WDPCP: variants seen among roughly 807,000 people sequenced by gnomAD.
The protein encoded by WDPCP is WD repeat-containing and planar cell polarity effector protein fritz homolog.
In WDPCP, 71 loss-of-function variants were observed where a neutral mutation model predicts 93.1. That is an observed-to-expected ratio of 0.76 (90% CI 0.63 to 0.93). The LOEUF is 0.93. Ranked by LOEUF, WDPCP falls within the 40% of genes least tolerant of loss-of-function variation. The pLI, the probability that WDPCP is intolerant of heterozygous loss-of-function variation, is 0.00. For missense variants in WDPCP, 844 were observed against 887.4 expected, an observed-to-expected ratio of 0.95 and a Z score of 0.62; for synonymous variants, 315 against 315.0, an observed-to-expected ratio of 1.00 and a Z score of 0.00.
intron 12 of WDPCP, among the ~76,000 whole-genome samples, chr2:63,317,935 A>C (rs1686785582): frequency 6.6e-6 from 1 of 152,174 alleles, no homozygotes; most frequent in African/African-American, 2.4e-5. Context: ...AATTAAACTA[A>C]AGAACTTCTG....
intron 12 of WDPCP, among the ~76,000 whole-genome samples, chr2:63,322,792 C>T (rs1474479829): frequency 6.6e-6 from 1 of 152,132 alleles, no homozygotes; most frequent in Non-Finnish European, 1.5e-5. Flanking sequence ...CATCGCCTAT[C>T]GCCAAGAAGT....
At chr2:63,499,276 A>C (rs1701405250) in intron 1 of WDPCP, among the ~76,000 whole-genome samples, 1 of 152,180 alleles carries the variant, frequency 6.6e-6, no homozygotes, top group South Asian at 2.1e-4. Flanking sequence ...CAAAAGAATA[A>C]ATTAGAAAGA....
intron 2 of WDPCP, among the ~76,000 whole-genome samples, chr2:63,761,889 G>C (rs1488115666): frequency 6.6e-6 from 1 of 152,064 alleles, no homozygotes. Flanking sequence ...CCCCATTACT[G>C]GTGGCTGCCT....
At chr2:63,801,815 TG>T (rs1670700360) in intron 2 of WDPCP, among the ~76,000 whole-genome samples, 1 of 152,078 alleles carries the variant, frequency 6.6e-6, no homozygotes, top group African/African-American at 2.4e-5. Flanking sequence ...CTCAATGACA[TG>T]GTAGCTAGCT....
At chr2:63,722,342 G>T (rs1218743337) in intron 2 of WDPCP, among the ~76,000 whole-genome samples, 1 of 149,236 alleles carries the variant, frequency 6.7e-6, no homozygotes, top group Non-Finnish European at 1.5e-5. Flanking sequence ...CTGCCCGGCC[G>T]CCCATCGTCT....
chr2:63,404,029 A>G lies in WDPCP; in HGVS notation c.1435+19T>C, dbSNP rs367947125. 162 of 1,613,788 alleles carry G rather than the reference A, an allele frequency of 1.0e-4. No homozygotes were observed. Among genetic ancestry groups the G allele is most frequent in the Middle Eastern group, 1.7e-4 (1 of 6,028 alleles). ...CCTAAACATTTTAATTTACTTACTC[A>G]TCACTTTCCTTGACTTACCTAGTTT... On this transcript the variant is annotated intron_variant, in intron 10 of 17. Coordinates refer to ENST00000272321, the MANE Select transcript of WDPCP (RefSeq NM_015910.7).
At chr2:63,520,588 A>AT (rs1445892866) in intron 1 of WDPCP, among the ~76,000 whole-genome samples, 2 of 152,164 alleles carry the variant, frequency 1.3e-5, no homozygotes, top group African/African-American at 4.8e-5. Flanking sequence ...TACATTAAGC[A>AT]TTTTTTAAAA....
chr2:63,629,534 A>C (rs1575734039), intron 3 of WDPCP, among the ~76,000 whole-genome samples: 1 of 152,226 alleles, frequency 6.6e-6, no homozygotes, highest in East Asian at 1.9e-4. Flanking sequence ...GAGGAGAGCT[A>C]GTGGACAGTA....
chr2:63,761,258 G>A (rs1020846174), intron 2 of WDPCP, among the ~76,000 whole-genome samples: 1 of 152,052 alleles, frequency 6.6e-6, no homozygotes, highest in Non-Finnish European at 1.5e-5. Context: ...ACACTCTCTT[G>A]CCCTTCTGCC....
chr2:63,129,795 C>T (rs192971217), intron 17 of WDPCP, among the ~76,000 whole-genome samples: 87 of 152,152 alleles, frequency 5.7e-4, no homozygotes, highest in Non-Finnish European at 9.0e-4. Context: ...ATATTAAATG[C>T]GTAGTATCTG....
the WDPCP span, among the ~76,000 whole-genome samples, chr2:63,835,726 C>G: frequency 6.6e-6 from 1 of 152,012 alleles, no homozygotes; most frequent in South Asian, 2.1e-4. Context: ...ATATGACATA[C>G]CTCCTCTTTT....
chr2:63,487,052 T>C (rs1012698617), intron 3 of WDPCP, among the ~76,000 whole-genome samples: 1 of 152,020 alleles, frequency 6.6e-6, no homozygotes, highest in Non-Finnish European at 1.5e-5. Flanking sequence ...ATTAGCAGGA[T>C]TAATCAGATA....
At chr2:63,561,402 C>T (rs377745904) in intron 1 of WDPCP, among the ~76,000 whole-genome samples, 23 of 151,812 alleles carry the variant, frequency 1.5e-4, no homozygotes, top group African/African-American at 4.4e-4. Context: ...TGCTTGAACC[C>T]GGGAGGCGGA....
chr2:63,613,005 C>T (rs1331662848), intron 3 of WDPCP, among the ~76,000 whole-genome samples: 5 of 151,796 alleles, frequency 3.3e-5, no homozygotes, highest in African/African-American at 7.3e-5. Flanking sequence ...CTTCCAGCCC[C>T]GTCTTTGACT....
chr2:63,334,938 G>A (rs1046803065), intron 12 of WDPCP, among the ~76,000 whole-genome samples: 30 of 152,152 alleles, frequency 2.0e-4, no homozygotes, highest in Non-Finnish European at 4.3e-4. Context: ...CTTCTACCCT[G>A]ACAATGTAAA....
Position 63,742,147 on chromosome 2 carries a change from C to G in WDPCP, n.308+71475G>C, listed in dbSNP as rs556868075. Among the ~76,000 whole-genome samples, 9 of 152,018 alleles carry G rather than the reference C, an allele frequency of 5.9e-5. No individual in the cohort carries two copies. In the South Asian group the frequency reaches 8.3e-4, roughly 14 times the overall value. ...CCAGGAATATTAGTCTCCCCTATCTCTAATAGTTCATCTTATTACAGTGTA... is the reference window on the plus strand; with the variant it reads ...CCAGGAATATTAGTCTCCCCTATCTGTAATAGTTCATCTTATTACAGTGTA... On this transcript the variant is annotated intron_variant and non_coding_transcript_variant, in intron 2 of 4. Coordinates refer to the WDPCP transcript ENST00000467687.
chr2:63,600,938 C>T (rs1709406360), intron 3 of WDPCP, among the ~76,000 whole-genome samples: 1 of 152,216 alleles, frequency 6.6e-6, no homozygotes, highest in African/African-American at 2.4e-5. Context: ...CTAACAACCA[C>T]TTTTTGTTGT....
chr2:63,166,874 T>C (rs75110710), intron 15 of WDPCP, among the ~76,000 whole-genome samples: 38,914 of 152,050 alleles, frequency 0.26, 5,616 homozygotes, highest in East Asian at 0.65. Flanking sequence ...CCTGTTGTGC[T>C]ATCAAATACT....
At chr2:63,576,752 A>G (rs928051781) in intron 1 of WDPCP, among the ~76,000 whole-genome samples, 1 of 152,184 alleles carries the variant, frequency 6.6e-6, no homozygotes, top group Non-Finnish European at 1.5e-5. Context: ...CTCTCCAGCT[A>G]CCAGTCATCT....
Sources: gnomAD v4.1 joint callset for allele counts (sites outside exome capture counted in the v4.1 genomes callset) on GRCh38, gnomAD v4.1.1 for gene constraint, MANE v1.5 for transcripts, NCBI Gene and HGNC (gene_info 2026-07-23, HGNC 2026-07-21) for gene names.